Variants in FOXK1 observed in about 807,000 individuals in gnomAD.
FOXK1 encodes the protein forkhead box K1, also known as forkhead box protein K1.
In FOXK1, 19 loss-of-function variants were observed where a neutral mutation model predicts 51.9. That is an observed-to-expected ratio of 0.37 (90% CI 0.26 to 0.54). The LOEUF (loss-of-function observed/expected upper bound fraction) is 0.54, where lower values mean the gene tolerates loss of function less well. Ranked by LOEUF, FOXK1 falls within the 20% of genes least tolerant of loss-of-function variation. The pLI, the probability that FOXK1 is intolerant of heterozygous loss-of-function variation, is 0.87. For missense variants in FOXK1, 870 were observed against 1,032.7 expected (o/e 0.84, Z 2.16); for synonymous variants, 537 against 482.6 (o/e 1.11, Z -1.48).
intron 1 of FOXK1, among the ~76,000 whole-genome samples, chr7:4,719,650 T>C (rs1780283612): frequency 6.6e-6 from 1 of 151,902 alleles, no homozygotes; most frequent in Admixed American, 6.6e-5. Context: ...CCCATCTAAT[T>C]TTTGTATTTT....
chr7:4,728,134 T>G (rs1369054070), intron 1 of FOXK1, among the ~76,000 whole-genome samples: 2 of 152,166 alleles, frequency 1.3e-5, no homozygotes, highest in Non-Finnish European at 1.5e-5. Context: ...AGCTTCTGTT[T>G]GGAGCAGTTC....
chr7:4,718,997 C>T (rs894334113), intron 1 of FOXK1, among the ~76,000 whole-genome samples: 2 of 151,920 alleles, frequency 1.3e-5, no homozygotes, highest in Non-Finnish European at 1.5e-5. Context: ...TTAGTAGAGA[C>T]GGGGTTGCAC....
In FOXK1 at chr7:4,711,687, G is replaced by A. The variant is rs1224727122; in HGVS notation, c.560+28819G>A. ...CTCGTATCTGCATCACCCATAAGGG[G>A]TGGGCAGTGGTGCTGCCGTGTCTTG... is the stretch of plus-strand genomic sequence containing the variant. On this transcript the variant is annotated intron_variant, in intron 1 of 8. Transcript: ENST00000328914. The surrounding 1 kb of genome is among the most constrained non-coding windows in gnomAD (Gnocchi z 6.3). Among the ~76,000 whole-genome samples the A allele has an allele frequency of 6.6e-6, 1 of 152,232 alleles. No individual in the cohort carries two copies. The highest frequency in any genetic ancestry group is 1.5e-5 in the Non-Finnish European group (1 of 68,040).
chr7:4,748,738 A>G lies in FOXK1; in HGVS notation c.747-5721A>G, dbSNP rs1041276957. Among the ~76,000 whole-genome samples, 7 of 152,222 alleles carry G rather than the reference A, an allele frequency of 4.6e-5. No individual in the cohort carries two copies. Among genetic ancestry groups the G allele is most frequent in the African/African-American group, 1.7e-4 (7 of 41,562 alleles). ...TCATTTATTCACTGATTTAAGAGAC[A>G]AGGTCTCACTTTGTTGCCCAGGCTG... On this transcript the variant is annotated intron_variant, in intron 2 of 8. Transcript: ENST00000328914. The surrounding 1 kb of genome is among the most constrained non-coding windows in gnomAD (Gnocchi z 4.9).
intron 1 of FOXK1, among the ~76,000 whole-genome samples, chr7:4,685,208 A>G (rs544250364): frequency 1.3e-4 from 19 of 150,356 alleles, no homozygotes; most frequent in Admixed American, 8.1e-4. Flanking sequence ...CCCTCCTAGA[A>G]AAGAGCTATT....
rs1299545891 is a variant in FOXK1 at position 4,706,014 on chromosome 7, G to GTA, written c.560+23153_560+23154dup. 8.7e-4 allele frequency among the ~76,000 whole-genome samples: 81 copies of GTA among 92,872 alleles called. 5 individuals are homozygous for GTA. Among genetic ancestry groups the GTA allele is most frequent in the African/African-American group, 8.5e-3 (78 of 9,154 alleles). The allele number at this position is 92,872 out of a possible 152,430, so 60.9% of individuals were successfully genotyped here. On this transcript the variant is annotated intron_variant, in intron 1 of 8. Transcript: ENST00000328914. ...TATACGTATATATACGTATATATAC[G>GTA]TATATATACGTGTATATACGTGTAT...
rs55696939 is a variant in FOXK1 at position 4,707,717 on chromosome 7, C to T, written c.560+24849C>T. Among the ~76,000 whole-genome samples, 11,367 of 151,102 alleles carry T rather than the reference C, an allele frequency of 0.075. 1,335 individuals are homozygous for T. Among genetic ancestry groups the T allele is most frequent in the African/African-American group, 0.26 (10,409 of 40,764 alleles). ...TTTTTTTTTTTGAGACGGACTCTCT[C>T]TCCGTTGCCCAGGCTGGAGTGCAGT... On this transcript the variant is annotated intron_variant, in intron 1 of 8. Transcript: ENST00000328914. This position sits in a 1 kb window ranked among gnomAD's most constrained non-coding sequence, Gnocchi z 4.1.
At position 4,730,673 on chromosome 7, in the gene FOXK1, G is replaced by A. The variant is rs190712785; in HGVS notation, c.561-10165G>A. 3.9e-5 allele frequency among the ~76,000 whole-genome samples: 6 copies of A among 152,324 alleles called. No homozygotes were observed. The East Asian group carries it at 7.7e-4, about 20-fold the overall frequency. ...GTAACCTGTGTCCCTTCACTGCCAT[G>A]CACTGCTCTTAGCTGCTGGCGAAGA... On this transcript the variant is annotated intron_variant, in intron 1 of 8. Coordinates refer to ENST00000328914, the MANE Select transcript of FOXK1 (RefSeq NM_001037165.2). This position sits in a 1 kb window ranked among gnomAD's most constrained non-coding sequence, Gnocchi z 4.7.
chr7:4,746,597 A>T (rs1367343301), intron 2 of FOXK1, among the ~76,000 whole-genome samples: 1 of 152,164 alleles, frequency 6.6e-6, no homozygotes, highest in Non-Finnish European at 1.5e-5. Flanking sequence ...CTGAGGCAGG[A>T]GGATCGCTTG....
chr7:4,712,400 G>A (rs1780186193), intron 1 of FOXK1, among the ~76,000 whole-genome samples: 1 of 152,194 alleles, frequency 6.6e-6, no homozygotes, highest in Admixed American at 6.5e-5. Context: ...TCCTTGGAGT[G>A]AAGGCTCCGC....
At position 4,755,666 on chromosome 7, in the gene FOXK1, G is replaced by A. The variant is rs1002619479; in HGVS notation, c.1050+283G>A. Among the ~76,000 whole-genome samples the A allele has an allele frequency of 6.6e-6, 1 of 152,182 alleles. No homozygotes were observed. Among genetic ancestry groups the A allele is most frequent in the Non-Finnish European group, 1.5e-5 (1 of 68,038 alleles). On this transcript the variant is annotated intron_variant, in intron 4 of 8. Coordinates refer to ENST00000328914, the MANE Select transcript of FOXK1 (RefSeq NM_001037165.2). This position sits in a 1 kb window ranked among gnomAD's most constrained non-coding sequence, Gnocchi z 6.6. ...GGATCACTTGAGCCCAGGAGGTGGA[G>A]GCTGCAGTGAGCTATGATCACACCA...
At chr7:4,695,985 G>A (rs1390099703) in intron 1 of FOXK1, among the ~76,000 whole-genome samples, 5 of 151,536 alleles carry the variant, frequency 3.3e-5, no homozygotes, top group African/African-American at 7.3e-5. Context: ...GTGTGGTGGC[G>A]TGCACCTGCA....
At position 4,761,701 on chromosome 7, in the gene FOXK1, A is replaced by T. The variant is rs1336466286; in HGVS notation, c.1921+413A>T. ...GACTGAGCGAGACCCTGTCCCTTTA[A>T]AAAAAAAGTGGGGGGAAAGAAAACA... On this transcript the variant is annotated intron_variant, in intron 8 of 8. Coordinates refer to ENST00000328914, the MANE Select transcript of FOXK1 (RefSeq NM_001037165.2). The surrounding 1 kb of genome is among the most constrained non-coding windows in gnomAD (Gnocchi z 6.2). 6.6e-6 allele frequency among the ~76,000 whole-genome samples: 1 copy of T among 151,502 alleles called. No individual in the cohort carries two copies. Among genetic ancestry groups the T allele is most frequent in the Non-Finnish European group, 1.5e-5 (1 of 67,850 alleles).
chr7:4,743,709 C>T lies in FOXK1; in HGVS notation c.746+2686C>T, dbSNP rs1349153566. On this transcript the variant is annotated intron_variant, in intron 2 of 8. Coordinates refer to ENST00000328914, the MANE Select transcript of FOXK1 (RefSeq NM_001037165.2). This position sits in a 1 kb window ranked among gnomAD's most constrained non-coding sequence, Gnocchi z 5.3. ...CTCACGTGCTAGTGGAAGCTCACAC[C>T]AGAAGAGGCTGGTCCTGCTGCTTTT... Among the ~76,000 whole-genome samples the T allele has an allele frequency of 6.6e-6, 1 of 152,144 alleles. No homozygotes were observed. The highest frequency in any genetic ancestry group is 2.4e-5 in the African/African-American group (1 of 41,434).
intron 7 of FOXK1, 106 bp downstream of exon 7, chr7:4,759,701 T>C (rs118117357): frequency 0.019 from 24,505 of 1,300,418 alleles, 294 homozygotes; most frequent in Middle Eastern, 0.041. Flanking sequence ...TTGAGGAGGA[T>C]GATTCTCTGC....
chr7:4,683,006 G>A lies in FOXK1; in HGVS notation c.560+138G>A. On this transcript the variant is annotated intron_variant, in intron 1 of 8. Coordinates refer to ENST00000328914, the MANE Select transcript of FOXK1 (RefSeq NM_001037165.2). This position sits in a 1 kb window ranked among gnomAD's most constrained non-coding sequence, Gnocchi z 4.5. ...CCCCGGCCCACCCCCGGTAACCCCCGACCGGCCTGGACTCCGGGGTCAACC... is the reference window on the plus strand; with the variant it reads ...CCCCGGCCCACCCCCGGTAACCCCCAACCGGCCTGGACTCCGGGGTCAACC... The A allele has an allele frequency of 2.9e-6, 2 of 699,814 alleles. No homozygotes were observed. Among genetic ancestry groups the A allele is most frequent in the South Asian group, 2.3e-5 (1 of 43,258 alleles). The allele number at this position is 699,814 out of a possible 1,614,324, so 43.4% of individuals were successfully genotyped here.
At position 4,733,055 on chromosome 7, in the gene FOXK1, C is replaced by A. The variant is rs1033208152; in HGVS notation, c.561-7783C>A. Among the ~76,000 whole-genome samples, 1 of 152,202 alleles carries A rather than the reference C, an allele frequency of 6.6e-6. No homozygotes were observed. Among genetic ancestry groups the A allele is most frequent in the African/African-American group, 2.4e-5 (1 of 41,460 alleles). On this transcript the variant is annotated intron_variant, in intron 1 of 8. Transcript: ENST00000328914. This position sits in a 1 kb window ranked among gnomAD's most constrained non-coding sequence, Gnocchi z 5.0. The stretch of plus-strand genomic sequence containing the variant: ...TCTCCTGCACAGCTCTGGGCTCCTG[C>A]ACAGCTTCTGTTCTGGGGCTTTTCA...
At chr7:4,742,315 AC>A (rs1352251854) in intron 2 of FOXK1, among the ~76,000 whole-genome samples, 10 of 152,080 alleles carry the variant, frequency 6.6e-5, no homozygotes, top group Admixed American at 5.9e-4. Flanking sequence ...CAGGCTGGTC[AC>A]GTCAGTCCCT....
In FOXK1 at chr7:4,759,516, C is replaced by T. The variant is rs377464608; in HGVS notation, c.1617C>T (p.Ile539=). Residue 539 remains isoleucine, a synonymous_variant, in exon 7 of 9, where the codon ATC becomes ATT. Coordinates refer to ENST00000328914, the MANE Select transcript of FOXK1 (RefSeq NM_001037165.2). ...CTGCCAACTCGGCCAACGGATACAT[C>T]CTCACCAGCCAGGGCGCGGCGGGGG... The part of the protein sequence containing the change: ...TTSANSANGY[I]LTSQGAAGGS... 1 of 1,571,064 alleles carries T rather than the reference C, an allele frequency of 6.4e-7. No individual in the cohort carries two copies. Among genetic ancestry groups the T allele is most frequent in the South Asian group, 1.2e-5 (1 of 86,660 alleles).
Sources: gnomAD v4.1 joint callset for allele counts (sites outside exome capture counted in the v4.1 genomes callset) on GRCh38, gnomAD v4.1.1 for gene constraint, Gnocchi (gnomAD v3.1) non-coding constraint, MANE v1.5 for transcripts, NCBI Gene and HGNC (gene_info 2026-07-23, HGNC 2026-07-21) for gene names.